The following SLC25A48 variants were observed in gnomAD, a reference collection of about 807,000 sequenced individuals.
The protein encoded by SLC25A48 is CTC-321K16.1.
In SLC25A48, 29 loss-of-function variants were observed where a neutral mutation model predicts 32.2. The observed-to-expected ratio is 0.90, with a 90% CI of 0.67 to 1.23. The LOEUF (loss-of-function observed/expected upper bound fraction) is 1.23. Ranked by LOEUF, SLC25A48 falls within the 50% of genes most tolerant of loss-of-function variation. SLC25A48 has a pLI of 0.00. For missense variants in SLC25A48, 399 were observed against 422.7 expected, an observed-to-expected ratio of 0.94 and a Z score of 0.49; for synonymous variants, 164 against 172.3, an observed-to-expected ratio of 0.95 and a Z score of 0.38.
intron 2 of SLC25A48, among the ~76,000 whole-genome samples, chr5:135,844,948 G>A (rs767253219): frequency 3.3e-5 from 5 of 152,190 alleles, no homozygotes; most frequent in Non-Finnish European, 7.3e-5. Flanking sequence ...CTTAATATAA[G>A]TGAGTTGGTA....
intron 3 of SLC25A48, among the ~76,000 whole-genome samples, chr5:135,766,304 C>T (rs1207499298): frequency 6.6e-6 from 1 of 150,610 alleles, no homozygotes; most frequent in Non-Finnish European, 1.5e-5. Flanking sequence ...TGATATTAAT[C>T]TTCATATTGC....
At position 135,807,076 on chromosome 5, in the gene SLC25A48, TATC is replaced by T. The variant is rs1580901062; in HGVS notation, c.-520-5444_-520-5442del. Among the ~76,000 whole-genome samples the T allele has an allele frequency of 2.7e-5, 4 of 150,678 alleles. No homozygotes were observed. The South Asian group carries it at 6.3e-4, about 24-fold the overall frequency. ...TTATAAATATCAAATATTTTATTAATATCATAGTGGGTTTAACACTGTGTTTTA... is the reference window on the plus strand; with the variant it reads ...TTATAAATATCAAATATTTTATTAATATAGTGGGTTTAACACTGTGTTTTA... On this transcript the variant is annotated intron_variant, in intron 3 of 10. Coordinates refer to the SLC25A48 transcript ENST00000646290.
In SLC25A48 at chr5:135,647,968, G is replaced by T. The variant is rs151282651; in HGVS notation, c.-521+13012G>T. 5.1e-3 allele frequency among the ~76,000 whole-genome samples: 770 copies of T among 152,156 alleles called. 8 individuals are homozygous for T. Among genetic ancestry groups the T allele is most frequent in the African/African-American group, 0.018 (733 of 41,500 alleles). ...AGAGAGGAAGGTGGTGGTCCTAGGGGCATAGGGCCTCCTGGTGTCTTCTGG... is the reference window on the plus strand; with the variant it reads ...AGAGAGGAAGGTGGTGGTCCTAGGGTCATAGGGCCTCCTGGTGTCTTCTGG... On this transcript the variant is annotated intron_variant, in intron 3 of 10. Coordinates refer to the SLC25A48 transcript ENST00000646290.
chr5:135,860,974 G>T (rs960998528), intron 4 of SLC25A48, among the ~76,000 whole-genome samples: 18 of 152,178 alleles, frequency 1.2e-4, no homozygotes, highest in African/African-American at 4.1e-4. Flanking sequence ...CAAATATATA[G>T]CCAGTGTATA....
chr5:135,612,555 C>T (rs1443168143), intron 1 of SLC25A48, among the ~76,000 whole-genome samples: 1 of 152,182 alleles, frequency 6.6e-6, no homozygotes, highest in Non-Finnish European at 1.5e-5. Context: ...ACACACCCTT[C>T]CCAGCCTCTG....
chr5:135,683,462 A>G (rs767054782), intron 3 of SLC25A48, among the ~76,000 whole-genome samples: 11 of 152,160 alleles, frequency 7.2e-5, no homozygotes, highest in Non-Finnish European at 1.6e-4. Flanking sequence ...CCCTCTTGGC[A>G]TGTTGCAGTT....
chr5:135,606,529 A>G (rs547781402), intron 1 of SLC25A48, among the ~76,000 whole-genome samples: 2 of 152,326 alleles, frequency 1.3e-5, no homozygotes, highest in South Asian at 4.1e-4. Context: ...GTGAGCCAGC[A>G]GCATTGTCGG....
At chr5:135,767,193 C>G (rs7378522) in intron 3 of SLC25A48, among the ~76,000 whole-genome samples, 46,421 of 150,230 alleles carry the variant, frequency 0.31, 7,369 homozygotes, top group East Asian at 0.46. Context: ...GTACACCCCC[C>G]CCCCGTGATA....
chr5:135,884,995 G>A (rs7700493), intron 7 of SLC25A48, among the ~76,000 whole-genome samples: 11,309 of 152,144 alleles, frequency 0.074, 519 homozygotes, highest in African/African-American at 0.13. Flanking sequence ...CAACATACCT[G>A]AGCCCCAGCT....
upstream of SLC25A48, among the ~76,000 whole-genome samples, chr5:135,834,134 G>A (rs915083156): frequency 3.3e-5 from 5 of 152,242 alleles, no homozygotes; most frequent in African/African-American, 1.2e-4. Flanking sequence ...GGGCCTGGCT[G>A]AATGTAGGGT....
At chr5:135,762,341 C>T (rs113705467) in intron 3 of SLC25A48, among the ~76,000 whole-genome samples, 102 of 152,214 alleles carry the variant, frequency 6.7e-4, no homozygotes, top group African/African-American at 2.3e-3. Context: ...GTGGTGTTTG[C>T]AGAGGCACAC....
intron 7 of SLC25A48, among the ~76,000 whole-genome samples, chr5:135,883,804 A>G (rs1762628442): frequency 6.6e-6 from 1 of 152,180 alleles, no homozygotes; most frequent in African/African-American, 2.4e-5. Flanking sequence ...GGAGAACAAA[A>G]CAAAACAAAA....
chr5:135,778,391 T>C (rs1756623951), intron 3 of SLC25A48, among the ~76,000 whole-genome samples: 1 of 151,674 alleles, frequency 6.6e-6, no homozygotes, highest in Non-Finnish European at 1.5e-5. Flanking sequence ...TCGTTCCTAA[T>C]ATTCTGAAAT....
At chr5:135,664,756 TA>T (rs1437652110) in intron 3 of SLC25A48, among the ~76,000 whole-genome samples, 1 of 152,320 alleles carries the variant, frequency 6.6e-6, no homozygotes, top group East Asian at 1.9e-4. Context: ...CAAAAGACAT[TA>T]TTTTTTTTGT....
intron 3 of SLC25A48, among the ~76,000 whole-genome samples, chr5:135,791,001 G>T (rs1178852425): frequency 6.8e-6 from 1 of 146,158 alleles, no homozygotes; most frequent in Non-Finnish European, 1.5e-5. Flanking sequence ...TACGGGGGGG[G>T]TGTTACTTCT....
intron 3 of SLC25A48, among the ~76,000 whole-genome samples, chr5:135,705,129 C>T (rs1754477428): frequency 6.6e-6 from 1 of 152,224 alleles, no homozygotes; most frequent in Non-Finnish European, 1.5e-5. Flanking sequence ...GACATAACCC[C>T]CGTCCTCCCT....
intron 4 of SLC25A48, among the ~76,000 whole-genome samples, chr5:135,817,608 C>T (rs548239628): frequency 4.1e-4 from 62 of 152,210 alleles, no homozygotes; most frequent in Non-Finnish European, 7.9e-4. Context: ...GAAATGTTCA[C>T]AATCTTATGG....
At chr5:135,750,186 A>G (rs1755736422) in intron 3 of SLC25A48, among the ~76,000 whole-genome samples, 1 of 152,230 alleles carries the variant, frequency 6.6e-6, no homozygotes, top group Non-Finnish European at 1.5e-5. Flanking sequence ...CCCCTGGGCT[A>G]AGAACTCAAG....
intron 3 of SLC25A48, among the ~76,000 whole-genome samples, chr5:135,852,078 A>T (rs1172719366): frequency 2.6e-5 from 4 of 151,860 alleles, no homozygotes; most frequent in Non-Finnish European, 5.9e-5. Context: ...TCCACACCTC[A>T]CTTTCCCCAG....
Sources: gnomAD v4.1 joint callset for allele counts (sites outside exome capture counted in the v4.1 genomes callset) on GRCh38, gnomAD v4.1.1 for gene constraint, MANE v1.5 for transcripts, NCBI Gene and HGNC (gene_info 2026-07-23, HGNC 2026-07-21) for gene names.